EDA: variants seen among roughly 807,000 people sequenced by gnomAD.
EDA encodes ectodysplasin A.
A neutral mutation model predicts 23.6 loss-of-function variants in EDA; 2 were observed. That is an observed-to-expected ratio of 0.08 (90% confidence interval 0.03 to 0.27). The LOEUF is 0.27. Among genes scored for constraint, EDA ranks in the 10% least tolerant of loss-of-function variants. The probability of loss-of-function intolerance (pLI) is 1.00; values close to 1 mark genes in which losing one functional copy is unlikely to be tolerated. For missense variants in EDA, 229 were observed against 324.2 expected (o/e 0.71, Z 2.26); for synonymous variants, 131 against 132.0 (o/e 0.99, Z 0.05).
intron 1 of EDA, among the ~76,000 whole-genome samples, chrX:69,702,246 GGTGGGA>G (rs1183603342): frequency 9.0e-6 from 1 of 111,040 alleles, no homozygotes; most frequent in African/African-American, 3.3e-5. Flanking sequence ...AGTGAGTACA[GGTGGGA>G]GAGAAGGAAG....
At chrX:69,812,732 T>C (rs1000173720) in intron 1 of EDA, among the ~76,000 whole-genome samples, 4 of 111,584 alleles carry the variant, frequency 3.6e-5, no homozygotes, top group Non-Finnish European at 5.6e-5. Flanking sequence ...GGGGAATAAA[T>C]GGAGAACAAC....
chrX:70,024,542 T>G (rs1388531839), intron 3 of EDA, among the ~76,000 whole-genome samples: 1 of 112,709 alleles, frequency 8.9e-6, no homozygotes, highest in Non-Finnish European at 1.9e-5. Context: ...AAATTATAAC[T>G]CAGATCATTG....
intron 1 of EDA, among the ~76,000 whole-genome samples, chrX:69,646,278 G>A (rs1380606492): frequency 1.8e-5 from 2 of 110,914 alleles, no homozygotes; most frequent in African/African-American, 6.6e-5. Flanking sequence ...TTGCCAGTGG[G>A]GTGTTAAAGT....
At chrX:69,671,882 C>T (rs1933908812) in intron 1 of EDA, among the ~76,000 whole-genome samples, 1 of 111,940 alleles carries the variant, frequency 8.9e-6, no homozygotes, top group African/African-American at 3.2e-5. Context: ...CTCTCAATCA[C>T]TAGTCTTTTC....
At chrX:69,954,305 C>T (rs2018968723) in intron 1 of EDA, among the ~76,000 whole-genome samples, 1 of 111,264 alleles carries the variant, frequency 9.0e-6, no homozygotes, top group African/African-American at 3.3e-5. Context: ...TTTCCATTTT[C>T]CATTTATCAC....
chrX:69,924,467 G>A (rs2147668602), intron 1 of EDA, among the ~76,000 whole-genome samples: 1 of 111,214 alleles, frequency 9.0e-6, no homozygotes. Flanking sequence ...TAGATGTGTG[G>A]TGTTACTTCT....
At chrX:69,694,546 C>T (rs1308605314) in intron 1 of EDA, among the ~76,000 whole-genome samples, 1 of 111,826 alleles carries the variant, frequency 8.9e-6, no homozygotes, top group African/African-American at 3.2e-5. Context: ...TCCTTGAAGA[C>T]CAAACACTTT....
In EDA at chrX:69,623,668, C is replaced by CTT. The variant is rs754360005; in HGVS notation, c.396+6976_396+6977dup. 6.5e-4 allele frequency among the ~76,000 whole-genome samples: 63 copies of CTT among 96,663 alleles called. 1 individual carries two copies. Among genetic ancestry groups the CTT allele is most frequent in the African/African-American group, 1.3e-3 (35 of 27,085 alleles). 83.9% of individuals were successfully genotyped at this position (96,663 alleles called of 115,157 possible). Reference sequence around the variant, plus strand: ...TCATTCTAGGTATTTTCTTTTTTTTCTTTTTTTTTTTTTGAGACAGTTGCA... The same window carrying CTT: ...TCATTCTAGGTATTTTCTTTTTTTTCTTTTTTTTTTTTTTTGAGACAGTTGCA... On this transcript the variant is annotated intron_variant, in intron 1 of 7. Coordinates refer to ENST00000374552, the MANE Select transcript of EDA (RefSeq NM_001399.5).
chrX:69,630,291 G>A (rs1412984804), intron 1 of EDA, among the ~76,000 whole-genome samples: 1 of 111,517 alleles, frequency 9.0e-6, no homozygotes, highest in African/African-American at 3.3e-5. Flanking sequence ...GTGATTCATA[G>A]TTCAGGACAT....
chrX:69,928,126 A>G (rs1478771391), intron 1 of EDA, among the ~76,000 whole-genome samples: 1 of 110,994 alleles, frequency 9.0e-6, no homozygotes, highest in Non-Finnish European at 1.9e-5. Context: ...ACCCTTTTGT[A>G]CATACTATTC....
At chrX:69,769,500 G>A (rs943357026) in intron 1 of EDA, among the ~76,000 whole-genome samples, 2 of 111,318 alleles carry the variant, frequency 1.8e-5, no homozygotes, top group African/African-American at 6.5e-5. Flanking sequence ...GGTGTTTAAA[G>A]CACTTCGATT....
At chrX:69,990,591 T>G (rs1347594798) in intron 2 of EDA, among the ~76,000 whole-genome samples, 1 of 111,022 alleles carries the variant, frequency 9.0e-6, no homozygotes, top group Non-Finnish European at 1.9e-5. Context: ...CCCACTCGGC[T>G]TTTGTTGGTT....
At position 69,771,684 on chromosome X, in the gene EDA, CA is replaced by C. The variant is rs746308646; in HGVS notation, c.396+154982del. ...AATTTTATTGTATGTGAATTTAGCT[CA>C]ATAAAGCCGTTATGAAAAATAGATT... On this transcript the variant is annotated intron_variant, in intron 1 of 7. Coordinates refer to ENST00000374552, the MANE Select transcript of EDA (RefSeq NM_001399.5). Among the ~76,000 whole-genome samples, 25 of 111,753 alleles carry C rather than the reference CA, an allele frequency of 2.2e-4. 1 individual carries two copies. The highest frequency in any genetic ancestry group is 5.7e-4 in the Admixed American group (6 of 10,564).
intron 6 of EDA, among the ~76,000 whole-genome samples, chrX:70,033,174 T>C (rs1186061028): frequency 8.9e-6 from 1 of 112,647 alleles, no homozygotes; most frequent in Non-Finnish European, 1.9e-5. Context: ...AAAGGAAGGA[T>C]AAAGACAGAC....
chrX:69,788,029 C>A lies in EDA; in HGVS notation c.397-168998C>A, dbSNP rs1196465754. On this transcript the variant is annotated intron_variant, in intron 1 of 7. Transcript: ENST00000374552. ...TTTCTCTATACTTCCCTTCTCGCTTCATTTCATTCATTTCATCTTCCATCA... is the reference window on the plus strand; with the variant it reads ...TTTCTCTATACTTCCCTTCTCGCTTAATTTCATTCATTTCATCTTCCATCA... Among the ~76,000 whole-genome samples, 8 of 111,316 alleles carry A rather than the reference C, an allele frequency of 7.2e-5. No individual in the cohort carries two copies. The East Asian group carries it at 2.3e-3, about 31-fold the overall frequency.
chrX:69,887,417 C>A (rs900071722), intron 1 of EDA, among the ~76,000 whole-genome samples: 10 of 111,729 alleles, frequency 9.0e-5, no homozygotes, highest in African/African-American at 2.9e-4. Context: ...CTAAAGAATA[C>A]AATGATAGAA....
Position 69,804,522 on chromosome X carries a change from A to T in EDA, c.397-152505A>T, listed in dbSNP as rs192938567. Among the ~76,000 whole-genome samples, 681 of 111,033 alleles carry T rather than the reference A, an allele frequency of 6.1e-3. 8 individuals carry two copies. Among genetic ancestry groups the T allele is most frequent in the African/African-American group, 0.021 (654 of 30,687 alleles). Reference sequence around the variant, plus strand: ...TTCCTTCTCTTGTGAAGACAAAGCTAAAAGAAACAGGTTTAAACTATATTG... The same window carrying T: ...TTCCTTCTCTTGTGAAGACAAAGCTTAAAGAAACAGGTTTAAACTATATTG... On this transcript the variant is annotated intron_variant, in intron 1 of 7. Transcript: ENST00000374552.
intron 2 of EDA, among the ~76,000 whole-genome samples, chrX:69,970,385 G>A (rs1365882221): frequency 9.0e-6 from 1 of 111,194 alleles, no homozygotes; most frequent in African/African-American, 3.3e-5. Context: ...AACATAACAG[G>A]TGCTCAATAA....
Position 69,871,419 on chromosome X carries a change from G to A in EDA, c.397-85608G>A, listed in dbSNP as rs1168164432. 6.3e-5 allele frequency among the ~76,000 whole-genome samples: 7 copies of A among 111,604 alleles called. No homozygotes were observed. The South Asian group carries it at 2.3e-3, about 37-fold the overall frequency. ...GTCTGCAAACTGAGGAGTAAGGAGA[G>A]CCAGCCTGAGTCCCAAAACGGAAGA... On this transcript the variant is annotated intron_variant, in intron 1 of 7. Transcript: ENST00000374552.
Sources: allele counts gnomAD v4.1 joint callset (sites outside exome capture counted in the v4.1 genomes callset), GRCh38; gene constraint gnomAD v4.1.1; transcripts MANE v1.5; gene names NCBI Gene and HGNC (gene_info 2026-07-23, HGNC 2026-07-21).